The following CHRM2 variants were observed in gnomAD, a reference collection of about 807,000 sequenced individuals.
CHRM2 encodes muscarinic acetylcholine receptor M2.
CHRM2 carries 8 observed loss-of-function variants against 25.0 expected under a neutral mutation model. That is an observed-to-expected ratio of 0.32 (90% confidence interval 0.19 to 0.58). The LOEUF is 0.58. CHRM2 is among the 20% of genes least tolerant of loss of function. The pLI is 0.88. For missense variants in CHRM2, 440 were observed against 567.1 expected (o/e 0.78, Z 2.28); for synonymous variants, 202 against 205.7 (o/e 0.98, Z 0.15).
At chr7:136,929,067 T>A (rs1051138721) in intron 2 of CHRM2, among the ~76,000 whole-genome samples, 2 of 152,150 alleles carry the variant, frequency 1.3e-5, no homozygotes, top group Non-Finnish European at 2.9e-5. Flanking sequence ...GCAGACGATA[T>A]GCGATCACGT....
chr7:136,978,883 C>T (rs1261974431), intron 2 of CHRM2, among the ~76,000 whole-genome samples: 1 of 152,136 alleles, frequency 6.6e-6, no homozygotes, highest in East Asian at 1.9e-4. Flanking sequence ...CAAGTCTTTA[C>T]TATTGTGAAT....
At chr7:136,971,002 C>T (rs1801731686) in intron 2 of CHRM2, among the ~76,000 whole-genome samples, 1 of 152,214 alleles carries the variant, frequency 6.6e-6, no homozygotes, top group African/African-American at 2.4e-5. Flanking sequence ...AAATTAATTA[C>T]TCCTCTTCTC....
intron 3 of CHRM2, among the ~76,000 whole-genome samples, chr7:136,994,011 T>G (rs139844944): frequency 1.2e-3 from 185 of 152,270 alleles, no homozygotes; most frequent in African/African-American, 3.8e-3. Flanking sequence ...GTTGCTTGCT[T>G]GCAGGTGATG....
At chr7:136,887,961 G>C (rs1796534358) in intron 2 of CHRM2, among the ~76,000 whole-genome samples, 1 of 151,992 alleles carries the variant, frequency 6.6e-6, no homozygotes. Context: ...GGAATCTTTG[G>C]GAAGGCAGAA....
chr7:136,881,180 C>T (rs984053623), intron 2 of CHRM2, among the ~76,000 whole-genome samples: 37 of 149,824 alleles, frequency 2.5e-4, no homozygotes, highest in African/African-American at 8.9e-4. Flanking sequence ...TTTACTGTCA[C>T]TATAGTTTGC....
At chr7:137,000,540 GAAA>G (rs1803937176) in intron 3 of CHRM2, among the ~76,000 whole-genome samples, 2 of 132,468 alleles carry the variant, frequency 1.5e-5, no homozygotes. Context: ...AGAAAGAAAA[GAAA>G]GAAAGAAGGA....
At chr7:136,994,635 AT>A (rs779299572) in intron 3 of CHRM2, among the ~76,000 whole-genome samples, 6 of 144,244 alleles carry the variant, frequency 4.2e-5, no homozygotes, top group Non-Finnish European at 6.0e-5. Flanking sequence ...GGTCCAAGCG[AT>A]TCTCCCTTTT....
chr7:136,961,194 T>G (rs566058318), intron 2 of CHRM2, among the ~76,000 whole-genome samples: 1 of 152,132 alleles, frequency 6.6e-6, no homozygotes, highest in Non-Finnish European at 1.5e-5. Flanking sequence ...ATAAAACCAT[T>G]CTGTTTTCTA....
chr7:136,912,651 T>G (rs1797904145), intron 2 of CHRM2, among the ~76,000 whole-genome samples: 1 of 151,938 alleles, frequency 6.6e-6, no homozygotes, highest in Admixed American at 6.6e-5. Context: ...ATATTGCTTC[T>G]TAGGTGGTAA....
At chr7:136,927,405 T>C (rs753342438) in intron 2 of CHRM2, among the ~76,000 whole-genome samples, 1 of 152,026 alleles carries the variant, frequency 6.6e-6, no homozygotes, top group Non-Finnish European at 1.5e-5. Flanking sequence ...GTGGTGGTGG[T>C]GTGGGTGTGT....
chr7:136,994,521 CTTTTTTTTTTTTTTTTTT>C (rs757243972), intron 3 of CHRM2, among the ~76,000 whole-genome samples: 1 of 71,416 alleles, frequency 1.4e-5, no homozygotes, highest in Non-Finnish European at 2.8e-5. Context: ...TTTTTCTTTT[CTTTTTTTTTTTTTTTTTT>C]TTTTTTTTGA....
chr7:136,953,989 G>A (rs1338113378), intron 2 of CHRM2, among the ~76,000 whole-genome samples: 1 of 152,048 alleles, frequency 6.6e-6, no homozygotes, highest in Non-Finnish European at 1.5e-5. Context: ...CTGGACTGGT[G>A]GACTATGAAT....
intron 3 of CHRM2, among the ~76,000 whole-genome samples, chr7:137,006,765 A>C (rs324642): frequency 0.52 from 79,088 of 151,676 alleles, 21,953 homozygotes; most frequent in African/African-American, 0.66. Flanking sequence ...TTTTTCCCCC[A>C]AAACGTTGTA....
At chr7:136,961,842 G>A (rs1023029979) in intron 2 of CHRM2, among the ~76,000 whole-genome samples, 1 of 152,126 alleles carries the variant, frequency 6.6e-6, no homozygotes, top group Non-Finnish European at 1.5e-5. Flanking sequence ...GCTGGTCATG[G>A]ATATGTGGAG....
At chr7:136,893,064 C>G (rs1741235050) in intron 2 of CHRM2, among the ~76,000 whole-genome samples, 1 of 152,102 alleles carries the variant, frequency 6.6e-6, no homozygotes, top group South Asian at 2.1e-4. Flanking sequence ...GTTCTCTCTT[C>G]CTAAAGAGAC....
chr7:136,995,000 TA>T (rs1803498530), intron 3 of CHRM2, among the ~76,000 whole-genome samples: 1 of 152,132 alleles, frequency 6.6e-6, no homozygotes, highest in African/African-American at 2.4e-5. Context: ...TTAACTTTAA[TA>T]AATACAGAAG....
chr7:137,016,374 T>C lies in CHRM2; in HGVS notation c.*108T>C. 1.7e-6 allele frequency: 2 copies of C among 1,204,314 alleles called. No homozygotes were observed. The highest frequency in any genetic ancestry group is 2.4e-6 in the Non-Finnish European group (2 of 831,028). 74.6% of individuals were successfully genotyped at this position (1,204,314 alleles called of 1,614,324 possible). ...TCTGCCATTGCACTTTATAGTCTGA[T>C]TACAAAACGTGCAATTCAGGAGCCC... On this transcript the variant is annotated 3_prime_UTR_variant, in exon 4 of 4. Transcript: ENST00000680005.
At chr7:136,934,143 G>A (rs1799276702) in intron 2 of CHRM2, among the ~76,000 whole-genome samples, 2 of 152,016 alleles carry the variant, frequency 1.3e-5, no homozygotes, top group Non-Finnish European at 2.9e-5. Context: ...TTGCAAATAA[G>A]TCAGGAAACC....
At chr7:136,969,688 G>A (rs1425829139) in intron 2 of CHRM2, among the ~76,000 whole-genome samples, 4 of 152,054 alleles carry the variant, frequency 2.6e-5, no homozygotes, top group African/African-American at 9.7e-5. Context: ...ACGTCCTTCT[G>A]TTTTAGGCCT....
Sources: allele counts gnomAD v4.1 joint callset (sites outside exome capture counted in the v4.1 genomes callset), GRCh38; gene constraint gnomAD v4.1.1; transcripts MANE v1.5; gene names NCBI Gene and HGNC (gene_info 2026-07-23, HGNC 2026-07-21).